Variants in PRAC2 observed in about 807,000 individuals in gnomAD.
The protein encoded by PRAC2 is protein PRAC2.
For missense variants in PRAC2, 92 were observed against 114.5 expected (o/e 0.80, Z 0.90); for synonymous variants, 43 against 49.5 (o/e 0.87, Z 0.55).
At chr17:48,719,057 G>A (rs982822717), upstream of PRAC2, among the ~76,000 whole-genome samples, 4 of 152,190 alleles carry the variant, frequency 2.6e-5, no homozygotes, top group Non-Finnish European at 5.9e-5. Context: ...CACGCCAGAC[G>A]GAGTGGCCCC....
chr17:48,722,483 C>A, upstream of PRAC2: 4 of 1,122,346 alleles, frequency 3.6e-6, no homozygotes, highest in Non-Finnish European at 5.4e-6. Flanking sequence ...CTCCCAGTGG[C>A]GCTCTGTTTG....
In PRAC2 at chr17:48,723,650, C is replaced by T. The variant is rs2038170970; in HGVS notation, c.-84+337C>T. On this transcript the variant is annotated intron_variant, in intron 1 of 1. Transcript: ENST00000422730. ...GAAGGCGGGGCGGATTCTCGGCTGG[C>T]GGCGGCCTCGCAGGGTTCCCGGAAG... 5 of 1,180,228 alleles carry T rather than the reference C, an allele frequency of 4.2e-6. No individual in the cohort carries two copies. The East Asian group carries it at 1.3e-4, about 30-fold the overall frequency. The allele number at this position is 1,180,228 out of a possible 1,614,324, so 73.1% of individuals were successfully genotyped here.
intron 1 of PRAC2, chr17:48,723,618 C>T (rs531662927): frequency 3.2e-5 from 31 of 976,082 alleles, no homozygotes; most frequent in Admixed American, 2.6e-4. Context: ...TAGGGATCGC[C>T]TGCAGGGAAG....
chr17:48,720,776 T>C (rs2038137393), upstream of PRAC2, among the ~76,000 whole-genome samples: 4 of 152,190 alleles, frequency 2.6e-5, no homozygotes, highest in South Asian at 8.3e-4. Context: ...GAGGAGGGGC[T>C]GGGTCTAGGG....
At position 48,724,653 on chromosome 17, in the gene PRAC2, A is replaced by AGCCT; in HGVS notation, c.247_250dup (p.Pro84LeufsTer21). Reference sequence around the variant, plus strand: ...AGCCTGTAGCTCCGCGGACGATGAAAGCCTGCCCGCAGGTTCTCCTGGAGT... The same window carrying AGCCT: ...AGCCTGTAGCTCCGCGGACGATGAAAGCCTGCCTGCCCGCAGGTTCTCCTGGAGT... On this transcript the variant is annotated frameshift_variant, in exon 2 of 2. Transcript: ENST00000422730. LOFTEE classifies it low-confidence loss of function (END_TRUNC). 1 of 1,232,206 alleles carries AGCCT rather than the reference A, an allele frequency of 8.1e-7. No homozygotes were observed. The highest frequency in any genetic ancestry group is 4.2e-5 in the Admixed American group (1 of 23,720). 76.3% of individuals were successfully genotyped at this position (1,232,206 alleles called of 1,614,324 possible).
chr17:48,723,007 G>C (rs1425424875), upstream of PRAC2, among the ~76,000 whole-genome samples: 2 of 152,134 alleles, frequency 1.3e-5, no homozygotes, highest in Non-Finnish European at 2.9e-5. Context: ...ACTCTCCCCC[G>C]ACCACTTCGT....
upstream of PRAC2, chr17:48,721,651 C>T (rs2038145597): frequency 1.3e-6 from 1 of 741,100 alleles, no homozygotes; most frequent in Non-Finnish European, 1.9e-6. Flanking sequence ...AGGCCCAGAG[C>T]TTTTGCCTTA....
upstream of PRAC2, among the ~76,000 whole-genome samples, chr17:48,719,033 C>A (rs1305698750): frequency 6.6e-6 from 1 of 152,182 alleles, no homozygotes; most frequent in Non-Finnish European, 1.5e-5. Flanking sequence ...GGAAGCCCTG[C>A]GCTCGAAGCG....
Position 48,723,815 on chromosome 17 carries a change from G to A in PRAC2, c.-84+502G>A. 3 of 1,198,040 alleles carry A rather than the reference G, an allele frequency of 2.5e-6. No individual in the cohort carries two copies. In the Admixed American group the frequency reaches 1.3e-4, roughly 51 times the overall value. The allele number at this position is 1,198,040 out of a possible 1,614,324, so 74.2% of individuals were successfully genotyped here. ...GCCACTACTCCCTTATTCGGCTTCT[G>A]GAGGCCTAATAAAATCCACTTGCTT... On this transcript the variant is annotated intron_variant, in intron 1 of 1. Transcript: ENST00000422730.
Position 48,724,424 on chromosome 17 carries a change from G to A in PRAC2, c.14G>A (p.Arg5Gln). The A allele has an allele frequency of 8.1e-7, 1 of 1,234,322 alleles. No individual in the cohort carries two copies. The highest frequency in any genetic ancestry group is 4.1e-5 in the South Asian group (1 of 24,404). 76.5% of individuals were successfully genotyped at this position (1,234,322 alleles called of 1,614,324 possible). ...GATAAAGAAGACATGGACAGAAGGC[G>A]GATGGCTCTGCGGCCTGGCTCCCGC... MDRR[R>Q]MALRPGSRRP... is the part of the protein sequence containing the mutation. Residue 5 changes from arginine to glutamine, a missense_variant, in exon 2 of 2, where the codon CGG becomes CAG. Transcript: ENST00000422730.
upstream of PRAC2, among the ~76,000 whole-genome samples, chr17:48,721,468 G>A (rs192806597): frequency 1.6e-4 from 24 of 152,258 alleles, no homozygotes; most frequent in Non-Finnish European, 3.2e-4. Context: ...TGGAATTACA[G>A]GTGTGAGCCA....
At chr17:48,722,478 A>G, upstream of PRAC2, 1 of 1,173,608 alleles carries the variant, frequency 8.5e-7, no homozygotes, top group East Asian at 2.3e-5. Flanking sequence ...TCAGCCTCCC[A>G]GTGGCGCTCT....
chr17:48,724,749 TAA>T lies in PRAC2; in HGVS notation c.*67_*68del, dbSNP rs1459578091. The T allele has an allele frequency of 1.2e-6, 1 of 840,442 alleles. No homozygotes were observed. Among genetic ancestry groups the T allele is most frequent in the East Asian group, 3.3e-5 (1 of 29,868 alleles). 52.1% of individuals were successfully genotyped at this position (840,442 alleles called of 1,614,324 possible). ...CTAACACACCAGTGGAATAAATCTC[TAA>T]GATTCCACATCTTTTGTTTGCTCTG... On this transcript the variant is annotated 3_prime_UTR_variant, in exon 2 of 2. Coordinates refer to ENST00000422730, the MANE Select transcript of PRAC2 (RefSeq NM_001282275.2).
upstream of PRAC2, among the ~76,000 whole-genome samples, chr17:48,718,963 G>T (rs1421871842): frequency 6.6e-6 from 1 of 152,100 alleles, no homozygotes; most frequent in Non-Finnish European, 1.5e-5. Context: ...TCGTTGTCTC[G>T]CCCGATTTGG....
Position 48,724,587 on chromosome 17 carries a change from C to A in PRAC2, c.177C>A (p.Pro59=). 8.1e-7 allele frequency: 1 copy of A among 1,232,160 alleles called. No homozygotes were observed. The highest frequency in any genetic ancestry group is 1.0e-6 in the Non-Finnish European group (1 of 987,976). The allele number at this position is 1,232,160 out of a possible 1,614,324, so 76.3% of individuals were successfully genotyped here. A position where few individuals can be genotyped will look rare whatever the true frequency, so the allele number is the denominator to read the frequency against. ...PNGRRHRVLD[P]HTQLSTHEAP... is the part of the protein sequence containing the mutation. Reference sequence around the variant, plus strand: ...GCAGGCGACATCGGGTCCTGGACCCCCACACGCAGCTCAGTACCCACGAGG... The same window carrying A: ...GCAGGCGACATCGGGTCCTGGACCCACACACGCAGCTCAGTACCCACGAGG... The change falls in exon 2 of 2, where the codon CCC becomes CCA. Residue 59 remains proline (P), a synonymous_variant. Coordinates refer to ENST00000422730, the MANE Select transcript of PRAC2 (RefSeq NM_001282275.2).
At chr17:48,721,702 A>G (rs2038146164), upstream of PRAC2, 1 of 1,173,176 alleles carries the variant, frequency 8.5e-7, no homozygotes, top group Middle Eastern at 3.2e-4. Flanking sequence ...TTATAATCAC[A>G]GTTAACTTTC....
intron 1 of PRAC2, chr17:48,723,864 C>A: frequency 1.0e-6 from 1 of 968,814 alleles, no homozygotes; most frequent in Non-Finnish European, 1.3e-6. Context: ...TATTTCGGGC[C>A]TGGAGCCCGC....
rs2038181698 is a variant in PRAC2, at chr17:48,724,436, G to A, written c.26G>A (p.Arg9Gln). ...ATGGACAGAAGGCGGATGGCTCTGCGGCCTGGCTCCCGCAGACCGACCGCC... is the reference window on the plus strand; with the variant it reads ...ATGGACAGAAGGCGGATGGCTCTGCAGCCTGGCTCCCGCAGACCGACCGCC... MDRRRMAL[R>Q]PGSRRPTAFF... The change falls in exon 2 of 2, where the codon CGG becomes CAG. Residue 9 changes from arginine (R) to glutamine (Q), a missense_variant. Physicochemically the swap from Arg to Gln is conservative, Grantham distance 43 (BLOSUM62 1). Coordinates refer to ENST00000422730, the MANE Select transcript of PRAC2 (RefSeq NM_001282275.2). 1 of 1,234,314 alleles carries A rather than the reference G, an allele frequency of 8.1e-7. No individual in the cohort carries two copies. The highest frequency in any genetic ancestry group is 1.0e-6 in the Non-Finnish European group (1 of 988,158). The allele number at this position is 1,234,314 out of a possible 1,614,324, so 76.5% of individuals were successfully genotyped here.
chr17:48,722,456 G>C, upstream of PRAC2: 2 of 1,429,794 alleles, frequency 1.4e-6, no homozygotes, highest in South Asian at 2.3e-5. Context: ...AGCAAGCATC[G>C]GCCTAAAGGT....
Sources: gnomAD v4.1 joint callset for allele counts (sites outside exome capture counted in the v4.1 genomes callset) on GRCh38, gnomAD v4.1.1 for gene constraint, MANE v1.5 for transcripts, NCBI Gene and HGNC (gene_info 2026-07-23, HGNC 2026-07-21) for gene names.